Variants in ADORA1 observed in about 807,000 individuals in gnomAD.
ADORA1 encodes adenosine A1 receptor.
A neutral mutation model predicts 19.9 loss-of-function variants in ADORA1; 6 were observed. The ratio of observed to expected loss-of-function variants is 0.30; its 90% CI spans 0.17 to 0.59. The LOEUF is 0.59. Ranked by LOEUF, ADORA1 falls within the 20% of genes least tolerant of loss-of-function variation. The pLI, the probability that ADORA1 is intolerant of heterozygous loss-of-function variation, is 0.87. For missense variants in ADORA1, 302 were observed against 439.2 expected (o/e 0.69, Z 2.79); for synonymous variants, 194 against 188.4 (o/e 1.03, Z -0.24).
rs1248286987 is a variant in ADORA1, at chr1:203,128,466, G to A, written c.-58+34G>A. 3 of 1,277,310 alleles carry A rather than the reference G, an allele frequency of 2.3e-6. No individual in the cohort carries two copies. Among genetic ancestry groups the A allele is most frequent in the Non-Finnish European group, 3.1e-6 (3 of 977,218 alleles). The allele number at this position is 1,277,310 out of a possible 1,614,324, so 79.1% of individuals were successfully genotyped here. On this transcript the variant is annotated intron_variant, in intron 2 of 3. Coordinates refer to ENST00000337894, the MANE Select transcript of ADORA1 (RefSeq NM_000674.3). The surrounding 1 kb of genome is among the most constrained non-coding windows in gnomAD (Gnocchi z 5.9). The stretch of plus-strand genomic sequence containing the variant: ...CCTGCATCCTGTTCTGTGCACAGGG[G>A]TGGGCAGAGCCAGTCATGGGAGACC...
Position 203,165,088 on chromosome 1 carries a change from C to G in ADORA1, c.342-173C>G. The G allele has an allele frequency of 6.4e-7, 1 of 1,550,796 alleles. No homozygotes were observed. The highest frequency in any genetic ancestry group is 8.7e-7 in the Non-Finnish European group (1 of 1,147,042). On this transcript the variant is annotated intron_variant, in intron 3 of 3. Coordinates refer to ENST00000337894, the MANE Select transcript of ADORA1 (RefSeq NM_000674.3). This position sits in a 1 kb window ranked among gnomAD's most constrained non-coding sequence, Gnocchi z 5.9. ...AGCCAATGCATGGCAAGCACTAAAT[C>G]TTAGATCCTGAAGACTCAGCCCTCG...
intron 3 of ADORA1, among the ~76,000 whole-genome samples, chr1:203,152,923 C>T (rs932440385): frequency 3.9e-5 from 6 of 152,266 alleles, no homozygotes; most frequent in Admixed American, 2.6e-4. Flanking sequence ...ATAGGATATG[C>T]CCTGGACTGG....
At chr1:203,133,635 T>C (rs905184019) in intron 3 of ADORA1, among the ~76,000 whole-genome samples, 2 of 152,234 alleles carry the variant, frequency 1.3e-5, no homozygotes, top group Non-Finnish European at 2.9e-5. Flanking sequence ...TCTCCTCTGA[T>C]CTTTGCCAAT....
At chr1:203,134,940 A>G (rs541375010) in intron 3 of ADORA1, among the ~76,000 whole-genome samples, 5 of 152,324 alleles carry the variant, frequency 3.3e-5, no homozygotes, top group African/African-American at 1.2e-4. Context: ...TTATGGCGGT[A>G]TAATATTGGA....
chr1:203,163,211 G>T (rs910545557), intron 3 of ADORA1, among the ~76,000 whole-genome samples: 1 of 152,198 alleles, frequency 6.6e-6, no homozygotes, highest in Non-Finnish European at 1.5e-5. Flanking sequence ...GCTTGGAGGG[G>T]TAAGAAGAGC....
At chr1:203,164,392 C>T (rs552383266) in intron 3 of ADORA1, among the ~76,000 whole-genome samples, 16 of 152,318 alleles carry the variant, frequency 1.1e-4, no homozygotes, top group Non-Finnish European at 2.1e-4. Context: ...AGAAAGCACT[C>T]GACAAATGCT....
chr1:203,134,670 G>A (rs544698316), intron 3 of ADORA1, among the ~76,000 whole-genome samples: 1 of 152,210 alleles, frequency 6.6e-6, no homozygotes, highest in East Asian at 1.9e-4. Context: ...TTATTTCCAA[G>A]CATAAAAGCA....
intron 3 of ADORA1, among the ~76,000 whole-genome samples, chr1:203,153,290 G>C (rs1655095171): frequency 6.6e-6 from 1 of 152,186 alleles, no homozygotes; most frequent in East Asian, 1.9e-4. Flanking sequence ...GTTCCTTCAT[G>C]GTGGGATCTA....
intron 3 of ADORA1, chr1:203,150,727 G>T (rs1301921642): frequency 7.8e-7 from 1 of 1,289,716 alleles, no homozygotes; most frequent in African/African-American, 1.5e-5. Context: ...ACAAGCTGTG[G>T]AATGCGGAGC....
At chr1:203,152,209 G>C (rs561839078) in intron 3 of ADORA1, among the ~76,000 whole-genome samples, 6 of 152,344 alleles carry the variant, frequency 3.9e-5, no homozygotes, top group Admixed American at 3.3e-4. Flanking sequence ...CCAGAATGGG[G>C]GTCTCCCATT....
chr1:203,155,284 C>T lies in ADORA1; in HGVS notation c.342-9977C>T, dbSNP rs148320809. Among the ~76,000 whole-genome samples the T allele has an allele frequency of 1.8e-3, 268 of 152,244 alleles. 2 individuals carry two copies. Among genetic ancestry groups the T allele is most frequent in the African/African-American group, 6.3e-3 (260 of 41,560 alleles). The stretch of plus-strand genomic sequence containing the variant: ...CTCGAACTCCTGACCTCAAGTGATC[C>T]ACCTGCCTTGGTCTCCCAAAGTGCT... On this transcript the variant is annotated intron_variant, in intron 3 of 3. Transcript: ENST00000337894.
intron 3 of ADORA1, among the ~76,000 whole-genome samples, chr1:203,158,452 C>G (rs1335020406): frequency 2.6e-5 from 4 of 152,208 alleles, no homozygotes; most frequent in African/African-American, 9.7e-5. Context: ...CACGACCATT[C>G]AAATCATCCC....
At chr1:203,140,673 C>T (rs33996239) in intron 3 of ADORA1, among the ~76,000 whole-genome samples, 12,070 of 152,224 alleles carry the variant, frequency 0.079, 641 homozygotes, top group South Asian at 0.22. Context: ...GCCACTCCAG[C>T]TGCTCTCTTT....
chr1:203,149,435 C>T (rs2102753066), intron 3 of ADORA1, among the ~76,000 whole-genome samples: 1 of 152,290 alleles, frequency 6.6e-6, no homozygotes, highest in Middle Eastern at 3.4e-3. Context: ...CAGCAGCTAA[C>T]ATGCTGCTCT....
At position 203,165,222 on chromosome 1, in the gene ADORA1, G is replaced by A. The variant is rs539390179; in HGVS notation, c.342-39G>A. On this transcript the variant is annotated intron_variant, in intron 3 of 3. Transcript: ENST00000337894. This position sits in a 1 kb window ranked among gnomAD's most constrained non-coding sequence, Gnocchi z 5.9. ...CTCAGAGGGGCCTTTCGAGGCAGCT[G>A]GGAGGCAGATCCTCACACTCTGCCC... 1 of 1,599,420 alleles carries A rather than the reference G, an allele frequency of 6.3e-7. No individual in the cohort carries two copies. Among genetic ancestry groups the A allele is most frequent in the African/African-American group, 1.3e-5 (1 of 74,374 alleles).
chr1:203,161,316 A>C (rs1436042264), intron 3 of ADORA1, among the ~76,000 whole-genome samples: 1 of 152,230 alleles, frequency 6.6e-6, no homozygotes, highest in Non-Finnish European at 1.5e-5. Context: ...TTTTAAAAAT[A>C]ACACACAGGT....
chr1:203,165,291 G>A lies in ADORA1; in HGVS notation c.372G>A (p.Ala124=), dbSNP rs143331026. Residue 124 remains alanine (A), a synonymous_variant, in exon 4 of 4, where the codon GCG becomes GCA. Transcript: ENST00000337894. This position sits in a 1 kb window ranked among gnomAD's most constrained non-coding sequence, Gnocchi z 5.9. ...RYKMVVTPRR[A]AVAIAGCWIL... ...AGATGGTGGTGACCCCCCGGAGGGC[G>A]GCGGTGGCCATAGCCGGCTGCTGGA... The A allele has an allele frequency of 5.0e-5, 79 of 1,571,902 alleles. 1 individual carries two copies. Among genetic ancestry groups the A allele is most frequent in the African/African-American group, 2.7e-4 (20 of 73,550 alleles).
At position 203,131,729 on chromosome 1, in the gene ADORA1, G is replaced by C. The variant is rs34426152; in HGVS notation, c.341+2547G>C. On this transcript the variant is annotated intron_variant, in intron 3 of 3. Transcript: ENST00000337894. ...TTCTCAAGCAGGGATCCTGGCTGAG[G>C]TGTTGGGCCATTCTGGGCTCCTGCG... Among the ~76,000 whole-genome samples the C allele has an allele frequency of 2.0e-3, 306 of 152,346 alleles. 3 individuals carry two copies. The highest frequency in any genetic ancestry group is 0.017 in the East Asian group (88 of 5,190).
chr1:203,144,081 TACACACAC>T (rs10525873), intron 3 of ADORA1, among the ~76,000 whole-genome samples: 242 of 139,844 alleles, frequency 1.7e-3, no homozygotes, highest in Middle Eastern at 7.1e-3. Context: ...GACTACCTCT[TACACACAC>T]ACACACACAC....
Sources: gnomAD v4.1 joint callset for allele counts (sites outside exome capture counted in the v4.1 genomes callset) on GRCh38, gnomAD v4.1.1 for gene constraint, Gnocchi (gnomAD v3.1) non-coding constraint, MANE v1.5 for transcripts, NCBI Gene and HGNC (gene_info 2026-07-23, HGNC 2026-07-21) for gene names.